Variants in TNRC6B observed in about 807,000 individuals in gnomAD.
TNRC6B encodes the protein trinucleotide repeat containing adaptor 6B, also known as trinucleotide repeat-containing gene 6B protein.
A neutral mutation model predicts 203.6 loss-of-function variants in TNRC6B; 52 were observed. That is an observed-to-expected ratio of 0.26 (90% CI 0.20 to 0.32). TNRC6B has a LOEUF of 0.32. Ranked by LOEUF, TNRC6B falls within the 10% of genes least tolerant of loss-of-function variation. TNRC6B has a pLI of 1.00. For synonymous variants in TNRC6B, 838 were observed against 845.7 expected (o/e 0.99, Z 0.16); for missense variants, 1,923 against 2,286.2 (o/e 0.84, Z 3.24).
intron 21 of TNRC6B, among the ~76,000 whole-genome samples, chr22:40,318,237 A>T (rs867687751): frequency 3.3e-5 from 5 of 152,182 alleles, no homozygotes; most frequent in Admixed American, 6.5e-5. Flanking sequence ...CTCTGTATCT[A>T]ATCAACTCAG....
Position 40,262,054 on chromosome 22 carries a change from C to A in TNRC6B, c.338C>A (p.Pro113Gln). 1 of 1,591,220 alleles carries A rather than the reference C, an allele frequency of 6.3e-7. No homozygotes were observed. The highest frequency in any genetic ancestry group is 8.6e-7 in the Non-Finnish European group (1 of 1,165,670). The change falls in exon 4 of 23, where the codon CCG becomes CAG. Residue 113 changes from proline to glutamine, a missense_variant. By Grantham distance (76) the Pro-to-Gln change is moderately conservative (BLOSUM62 -1). Coordinates refer to ENST00000454349, the MANE Select transcript of TNRC6B (RefSeq NM_001162501.2). ...CTAAAACGTGGGCAGCCCCCTCCAC[C>A]GTCCTGCATGCTCCTTGGGGGTGGG... ...VLLKRGQPPP[P>Q]SCMLLGGGAG...
Position 40,332,675 on chromosome 22 carries a change from C to A in TNRC6B, c.*9434C>A, listed in dbSNP as rs1459752995. 1.3e-5 allele frequency: 2 copies of A among 152,254 alleles called. No homozygotes were observed. Among genetic ancestry groups the A allele is most frequent in the Non-Finnish European group, 2.9e-5 (2 of 67,922 alleles). The allele number at this position is 152,254 out of a possible 1,614,324, so 9.4% of individuals were successfully genotyped here. A position where few individuals can be genotyped will look rare whatever the true frequency, so the allele number is the denominator to read the frequency against. ...TTAGATTGCCTTTAAACAAAAAAAACAACAAAAAAATAAAATCCTGACGTT... is the reference window on the plus strand; with the variant it reads ...TTAGATTGCCTTTAAACAAAAAAAAAAACAAAAAAATAAAATCCTGACGTT... On this transcript the variant is annotated 3_prime_UTR_variant, in exon 23 of 23. Coordinates refer to ENST00000454349, the MANE Select transcript of TNRC6B (RefSeq NM_001162501.2).
chr22:40,115,161 A>C (rs2068375560), intron 1 of TNRC6B, among the ~76,000 whole-genome samples: 1 of 152,212 alleles, frequency 6.6e-6, no homozygotes, highest in Admixed American at 6.5e-5. Context: ...GGACTGAGTG[A>C]CATGGTCTCT....
chr22:40,187,520 G>A (rs2069219223), intron 1 of TNRC6B, among the ~76,000 whole-genome samples: 1 of 152,156 alleles, frequency 6.6e-6, no homozygotes, highest in African/African-American at 2.4e-5. Context: ...AGATCCAGCA[G>A]GAGGGGTGGG....
intron 1 of TNRC6B, among the ~76,000 whole-genome samples, chr22:40,236,239 G>A (rs965382677): frequency 6.6e-6 from 1 of 152,132 alleles, no homozygotes; most frequent in Non-Finnish European, 1.5e-5. Context: ...AGGGTCACTA[G>A]TGTCACCATT....
At chr22:40,231,051 C>CTATA (rs1323732439) in intron 1 of TNRC6B, among the ~76,000 whole-genome samples, 2 of 151,660 alleles carry the variant, frequency 1.3e-5, no homozygotes, top group Non-Finnish European at 2.9e-5. Context: ...GTCTCTCTCT[C>CTATA]TCTATATATA....
chr22:40,208,006 C>T (rs924479206), intron 1 of TNRC6B, among the ~76,000 whole-genome samples: 29 of 148,474 alleles, frequency 2.0e-4, no homozygotes, highest in African/African-American at 5.8e-4. Flanking sequence ...CCCAGCTACT[C>T]GGGAGGCTGA....
intron 12 of TNRC6B, among the ~76,000 whole-genome samples, chr22:40,288,110 G>A (rs1037547455): frequency 6.6e-6 from 1 of 152,232 alleles, no homozygotes; most frequent in Non-Finnish European, 1.5e-5. Context: ...CACACACACT[G>A]TCTTAGAATA....
intron 7 of TNRC6B, among the ~76,000 whole-genome samples, chr22:40,275,230 C>G (rs568960454): frequency 1.3e-5 from 2 of 152,316 alleles, no homozygotes; most frequent in South Asian, 4.1e-4. Flanking sequence ...AATTATTCAG[C>G]AAACTTTTCA....
rs1019544793 is a variant in TNRC6B at position 40,264,987 on chromosome 22, G to A, written c.757G>A (p.Glu253Lys). The change falls in exon 5 of 23, where the codon GAA (glutamate) becomes AAA (lysine). Residue 253 changes from glutamate (E) to lysine (K), a missense_variant. By Grantham distance (56) the Glu-to-Lys change is moderately conservative. Around this residue, in one of 8 missense-constraint regions of TNRC6B, gnomAD observed 614 missense variants for 587.7 expected, o/e 1.04. Coordinates refer to ENST00000454349, the MANE Select transcript of TNRC6B (RefSeq NM_001162501.2). ...SQCQSASSGN[E>K]CNLGVWKSDP... ...GTGCCAGTCTGCAAGTTCTGGGAAC[G>A]AATGTAATCTTGGGGTCTGGAAATC... is the stretch of plus-strand genomic sequence containing the variant. 11 of 1,613,844 alleles carry A rather than the reference G, an allele frequency of 6.8e-6. No homozygotes were observed. The highest frequency in any genetic ancestry group is 1.1e-5 in the South Asian group (1 of 91,088).
At chr22:40,134,154 G>T (rs1184659981) in intron 3 of TNRC6B, among the ~76,000 whole-genome samples, 1 of 152,076 alleles carries the variant, frequency 6.6e-6, no homozygotes, top group Non-Finnish European at 1.5e-5. Flanking sequence ...TATCCTCAAG[G>T]ATGTGGAGCA....
intron 3 of TNRC6B, among the ~76,000 whole-genome samples, chr22:40,151,516 G>A (rs564333465): frequency 1.6e-4 from 23 of 148,168 alleles, no homozygotes; most frequent in African/African-American, 5.8e-4. Flanking sequence ...CTTCAGCCTG[G>A]GCGACAGTGA....
At chr22:40,225,926 G>T (rs2069779431) in intron 1 of TNRC6B, among the ~76,000 whole-genome samples, 1 of 152,050 alleles carries the variant, frequency 6.6e-6, no homozygotes, top group Non-Finnish European at 1.5e-5. Context: ...AATGGAACTG[G>T]GCATCCTGTA....
intron 9 of TNRC6B, among the ~76,000 whole-genome samples, chr22:40,279,620 C>T (rs781503757): frequency 6.6e-6 from 1 of 152,158 alleles, no homozygotes; most frequent in African/African-American, 2.4e-5. Flanking sequence ...ACTTCTCTCC[C>T]TGAGGACATT....
chr22:40,055,652 G>A (rs2067788259), intron 1 of TNRC6B, among the ~76,000 whole-genome samples: 1 of 152,206 alleles, frequency 6.6e-6, no homozygotes, highest in East Asian at 1.9e-4. Flanking sequence ...GTCACTTCTA[G>A]TTAATATACT....
chr22:40,214,648 G>A (rs1569023848), intron 1 of TNRC6B, among the ~76,000 whole-genome samples: 2 of 151,872 alleles, frequency 1.3e-5, no homozygotes, highest in Admixed American at 6.6e-5. Flanking sequence ...GAACTTCTGG[G>A]CTCAGATGAT....
At chr22:40,131,075 T>C (rs2068539987) in intron 3 of TNRC6B, among the ~76,000 whole-genome samples, 1 of 151,742 alleles carries the variant, frequency 6.6e-6, no homozygotes, top group Non-Finnish European at 1.5e-5. Context: ...GGATAATTTT[T>C]TGCCCAGATA....
intron 1 of TNRC6B, among the ~76,000 whole-genome samples, chr22:40,069,322 T>A (rs1021046573): frequency 1.3e-5 from 2 of 151,666 alleles, no homozygotes; most frequent in African/African-American, 2.4e-5. Flanking sequence ...TCCAGGCTGA[T>A]CTCAAACTCC....
chr22:40,078,763 C>T (rs1353206234), intron 1 of TNRC6B, among the ~76,000 whole-genome samples: 2 of 151,446 alleles, frequency 1.3e-5, no homozygotes, highest in Non-Finnish European at 2.9e-5. Flanking sequence ...TAGCTAATTT[C>T]TGTATTTTTA....
Sources: gnomAD v4.1 joint callset for allele counts (sites outside exome capture counted in the v4.1 genomes callset) on GRCh38, gnomAD v4.1.1 for gene constraint, gnomAD v4.1.1 regional missense constraint, MANE v1.5 for transcripts, NCBI Gene and HGNC (gene_info 2026-07-23, HGNC 2026-07-21) for gene names.